FAM228B: variants seen among roughly 807,000 people sequenced by gnomAD.
The protein encoded by FAM228B is protein FAM228B.
A neutral mutation model predicts 42.6 loss-of-function variants in FAM228B; 38 were observed. The ratio of observed to expected loss-of-function variants is 0.89; its 90% CI spans 0.69 to 1.17. The LOEUF (loss-of-function observed/expected upper bound fraction) is 1.17. Among genes scored for constraint, FAM228B ranks in the 50% most tolerant of loss-of-function variants. FAM228B has a pLI of 0.00. For synonymous variants in FAM228B, 109 were observed against 122.3 expected (o/e 0.89, Z 0.72); for missense variants, 344 against 367.3 (o/e 0.94, Z 0.52).
At chr2:24,136,744 T>TC (rs1483076526) in intron 3 of FAM228B, among the ~76,000 whole-genome samples, 1 of 152,224 alleles carries the variant, frequency 6.6e-6, no homozygotes, top group Non-Finnish European at 1.5e-5. Context: ...ATCATTTTTT[T>TC]CAGTGTATGC....
At chr2:24,133,011 A>G (rs1666492338) in intron 2 of FAM228B, among the ~76,000 whole-genome samples, 1 of 152,140 alleles carries the variant, frequency 6.6e-6, no homozygotes, top group South Asian at 2.1e-4. Context: ...CCTCTTTTCC[A>G]GTATTTTTCC....
intron 2 of FAM228B, chr2:24,082,895 TA>T: frequency 6.2e-7 from 1 of 1,606,640 alleles, no homozygotes; most frequent in Non-Finnish European, 8.5e-7. Context: ...CCACAAGATG[TA>T]ACAGCTGGAA....
At chr2:24,092,218 CAA>C (rs34189159) in intron 2 of FAM228B, among the ~76,000 whole-genome samples, 7 of 29,996 alleles carry the variant, frequency 2.3e-4, no homozygotes, top group African/African-American at 8.3e-4. Flanking sequence ...GACTCTGTCT[CAA>C]AAAAAAAAAA....
intron 2 of FAM228B, among the ~76,000 whole-genome samples, chr2:24,092,529 C>T (rs1241804489): frequency 1.3e-5 from 2 of 148,556 alleles, no homozygotes; most frequent in African/African-American, 2.5e-5. Context: ...GAGCCGAGAT[C>T]GCGCCCTGCA....
chr2:24,169,233 C>A lies in FAM228B; in HGVS notation c.*15-123C>A. 1 of 337,950 alleles carries A rather than the reference C, an allele frequency of 3.0e-6. No individual in the cohort carries two copies. The highest frequency in any genetic ancestry group is 6.9e-6 in the Non-Finnish European group (1 of 144,598). 20.9% of individuals were successfully genotyped at this position (337,950 alleles called of 1,614,324 possible). On this transcript the variant is annotated intron_variant, in intron 10 of 10. Transcript: ENST00000615575. This position sits in a 1 kb window ranked among gnomAD's most constrained non-coding sequence, Gnocchi z 4.2. ...GAGACCCTGCCTGAGAGATGAGTCA[C>A]TCGGCTCTGGCAGGACAGGCTTCAG...
chr2:24,139,334 CTT>C (rs1666692901), intron 4 of FAM228B, 34 bp from the exon 5 acceptor site: 4 of 1,297,966 alleles, frequency 3.1e-6, no homozygotes, highest in Non-Finnish European at 4.3e-6. Flanking sequence ...CTGTGCACCT[CTT>C]GTTCTTGTGT....
intron 3 of FAM228B, among the ~76,000 whole-genome samples, chr2:24,116,268 C>T (rs1665913729): frequency 6.6e-6 from 1 of 151,580 alleles, no homozygotes; most frequent in African/African-American, 2.4e-5. Flanking sequence ...GCAGAGGTTG[C>T]AATGAGCTGA....
upstream of FAM228B, among the ~76,000 whole-genome samples, chr2:24,120,953 T>C (rs62128006): frequency 0.023 from 3,495 of 151,992 alleles, 55 homozygotes; most frequent in Non-Finnish European, 0.03. Context: ...GCTCAGTTAA[T>C]AGATTCTGGA....
At chr2:24,106,025 C>A (rs561907486) in intron 3 of FAM228B, among the ~76,000 whole-genome samples, 1 of 152,242 alleles carries the variant, frequency 6.6e-6, no homozygotes, top group African/African-American at 2.4e-5. Context: ...AGAAAGCAAG[C>A]AACTTGGAAA....
intron 2 of FAM228B, among the ~76,000 whole-genome samples, chr2:24,086,151 C>T (rs1265379914): frequency 6.7e-6 from 1 of 148,594 alleles, no homozygotes; most frequent in African/African-American, 2.5e-5. Context: ...AGGAGAATGG[C>T]GTGAACCCGG....
chr2:24,125,012 T>C (rs1013829395), intron 2 of FAM228B, among the ~76,000 whole-genome samples: 1 of 152,166 alleles, frequency 6.6e-6, no homozygotes, highest in Admixed American at 6.5e-5. Flanking sequence ...AGTTATATTG[T>C]TTTTAGATTG....
At chr2:24,096,899 C>T (rs552629453) in intron 3 of FAM228B, 1 of 152,104 alleles carries the variant, frequency 6.6e-6, no homozygotes, top group Non-Finnish European at 1.5e-5. Context: ...GTTGAGTTAC[C>T]CACAAAGGGA....
chr2:24,096,374 A>G (rs537095333), intron 3 of FAM228B: 5 of 152,322 alleles, frequency 3.3e-5, no homozygotes, highest in Admixed American at 2.6e-4. Context: ...GCAAGGAAGT[A>G]AAACCCTTGA....
chr2:24,152,847 C>T (rs1346676389), intron 7 of FAM228B, among the ~76,000 whole-genome samples: 1 of 152,138 alleles, frequency 6.6e-6, no homozygotes, highest in African/African-American at 2.4e-5. Context: ...GTAAAAAAAA[C>T]CTTAGCAGTT....
At chr2:24,165,310 A>T (rs184964406) in intron 9 of FAM228B, 10 of 462,680 alleles carry the variant, frequency 2.2e-5, no homozygotes, top group Non-Finnish European at 4.4e-5. Flanking sequence ...CCCTGGCCCT[A>T]TCCTTACAGA....
chr2:24,160,837 G>A (rs1458126814), intron 7 of FAM228B, among the ~76,000 whole-genome samples: 4 of 152,146 alleles, frequency 2.6e-5, no homozygotes, highest in Non-Finnish European at 5.9e-5. Context: ...CAAAGGACTG[G>A]GAAGTGGAAT....
At chr2:24,108,096 A>G (rs1390948341) in intron 3 of FAM228B, among the ~76,000 whole-genome samples, 1 of 152,236 alleles carries the variant, frequency 6.6e-6, no homozygotes. Flanking sequence ...AGAGGAGGTT[A>G]CCACTGGCCC....
intron 7 of FAM228B, among the ~76,000 whole-genome samples, chr2:24,153,869 A>T (rs1458143334): frequency 6.6e-6 from 1 of 152,228 alleles, no homozygotes; most frequent in East Asian, 1.9e-4. Context: ...GAGAAACTCA[A>T]GTTCCAATCA....
intron 3 of FAM228B, among the ~76,000 whole-genome samples, chr2:24,136,817 C>T (rs950387326): frequency 9.9e-5 from 15 of 152,174 alleles, no homozygotes; most frequent in Admixed American, 2.6e-4. Flanking sequence ...GTGTACCATT[C>T]GGTGTCATTA....
Sources: allele counts gnomAD v4.1 joint callset (sites outside exome capture counted in the v4.1 genomes callset), GRCh38; gene constraint gnomAD v4.1.1; non-coding constraint Gnocchi (gnomAD v3.1); transcripts MANE v1.5; gene names NCBI Gene and HGNC (gene_info 2026-07-23, HGNC 2026-07-21).